TMEM116: variants seen among roughly 807,000 people sequenced by gnomAD.
The protein encoded by TMEM116 is transmembrane protein 116.
A neutral mutation model predicts 44.3 loss-of-function variants in TMEM116; 38 were observed. The observed-to-expected ratio is 0.86, with a 90% CI of 0.66 to 1.12. The LOEUF is 1.12. TMEM116 is among the 50% of genes most tolerant of loss of function. The pLI, the probability that TMEM116 is intolerant of heterozygous loss-of-function variation, is 0.00. For synonymous variants in TMEM116, 132 were observed against 144.8 expected (o/e 0.91, Z 0.64); for missense variants, 354 against 401.7 (o/e 0.88, Z 1.01).
chr12:111,989,993 C>T lies in TMEM116; in HGVS notation c.210+1765G>A, dbSNP rs556549906. 6.6e-5 allele frequency among the ~76,000 whole-genome samples: 10 copies of T among 152,250 alleles called. No homozygotes were observed. In the East Asian group the frequency reaches 1.9e-3, roughly 29 times the overall value. Reference sequence around the variant, plus strand: ...GTAACAGGCCGGGTGCAGTGGTTCACGCCTGTAATCCCAGCACTTTGGGAG... The same window carrying T: ...GTAACAGGCCGGGTGCAGTGGTTCATGCCTGTAATCCCAGCACTTTGGGAG... On this transcript the variant is annotated intron_variant, in intron 4 of 10. Coordinates refer to ENST00000552374, the MANE Select transcript of TMEM116 (RefSeq NM_001193531.2).
intron 4 of TMEM116, among the ~76,000 whole-genome samples, chr12:111,974,648 CTG>C (rs1323722792): frequency 7.2e-6 from 1 of 139,138 alleles, no homozygotes; most frequent in Non-Finnish European, 1.5e-5. Flanking sequence ...GAGTGAGACT[CTG>C]TCGCAAAAAA....
intron 4 of TMEM116, among the ~76,000 whole-genome samples, chr12:111,971,140 CAA>C (rs1201507750): frequency 6.6e-6 from 1 of 151,928 alleles, no homozygotes; most frequent in Non-Finnish European, 1.5e-5. Context: ...ACTCACCCTA[CAA>C]GAAATGTTAA....
At chr12:111,983,327 T>C (rs952053474) in intron 4 of TMEM116, among the ~76,000 whole-genome samples, 4 of 151,648 alleles carry the variant, frequency 2.6e-5, no homozygotes, top group African/African-American at 4.9e-5. Flanking sequence ...TCCCAGCCAC[T>C]TGGGAGGCTG....
chr12:111,962,439 ACAG>A (rs2074662394), intron 4 of TMEM116, among the ~76,000 whole-genome samples: 1 of 152,206 alleles, frequency 6.6e-6, no homozygotes, highest in Non-Finnish European at 1.5e-5. Context: ...AGTAACAAAA[ACAG>A]CATGGTACTG....
intron 4 of TMEM116, among the ~76,000 whole-genome samples, chr12:111,944,042 G>C (rs1181612275): frequency 6.6e-6 from 1 of 151,992 alleles, no homozygotes; most frequent in Non-Finnish European, 1.5e-5. Flanking sequence ...GACAGGCTAA[G>C]CTATTTGAAT....
chr12:111,938,136 C>T, intron 6 of TMEM116, 25 bp downstream of exon 6: 3 of 1,557,120 alleles, frequency 1.9e-6, no homozygotes, highest in Non-Finnish European at 2.6e-6. Flanking sequence ...CTACACCTCG[C>T]TAAGAAGTAA....
At chr12:111,955,390 G>C (rs1313678766) in intron 4 of TMEM116, among the ~76,000 whole-genome samples, 1 of 152,118 alleles carries the variant, frequency 6.6e-6, no homozygotes, top group African/African-American at 2.4e-5. Flanking sequence ...GATGCTTTTG[G>C]AGAAAGCATG....
chr12:111,995,249 C>T (rs2076865980), intron 3 of TMEM116, among the ~76,000 whole-genome samples: 2 of 151,900 alleles, frequency 1.3e-5, no homozygotes, highest in South Asian at 4.2e-4. Flanking sequence ...CAGGGATGGA[C>T]AAATAGGTGA....
At chr12:111,940,523 G>GTATATATATA (rs759583297) in intron 5 of TMEM116, among the ~76,000 whole-genome samples, 51 of 104,922 alleles carry the variant, frequency 4.9e-4, no homozygotes, top group Admixed American at 3.8e-3. Context: ...ATATATATGT[G>GTATATATATA]TATATATATA....
chr12:111,991,052 C>G (rs1286972211), intron 4 of TMEM116, among the ~76,000 whole-genome samples: 1 of 151,936 alleles, frequency 6.6e-6, no homozygotes, highest in Non-Finnish European at 1.5e-5. Flanking sequence ...AACCCCATCT[C>G]TACTAAAAGT....
chr12:111,962,478 T>C (rs2074665535), intron 4 of TMEM116, among the ~76,000 whole-genome samples: 1 of 151,992 alleles, frequency 6.6e-6, no homozygotes. Flanking sequence ...TATAGATCAA[T>C]GGAACAGAAC....
At chr12:111,940,603 T>C (rs927026719) in intron 5 of TMEM116, among the ~76,000 whole-genome samples, 3 of 140,658 alleles carry the variant, frequency 2.1e-5, no homozygotes, top group African/African-American at 7.9e-5. Context: ...AAAGCTTTTC[T>C]TCTTGAAACC....
intron 4 of TMEM116, among the ~76,000 whole-genome samples, chr12:111,958,036 G>A (rs1300327135): frequency 1.3e-5 from 2 of 152,054 alleles, no homozygotes; most frequent in Non-Finnish European, 2.9e-5. Context: ...GATTAAGGGC[G>A]GTGCAAGATG....
At chr12:111,971,828 A>C (rs1174838794) in intron 4 of TMEM116, among the ~76,000 whole-genome samples, 1 of 152,192 alleles carries the variant, frequency 6.6e-6, no homozygotes, top group African/African-American at 2.4e-5. Flanking sequence ...TAATCCCAGC[A>C]CTTTGAAAGG....
intron 4 of TMEM116, among the ~76,000 whole-genome samples, chr12:111,971,450 T>C (rs2075330736): frequency 1.3e-5 from 2 of 151,558 alleles, no homozygotes; most frequent in South Asian, 2.1e-4. Flanking sequence ...AAAGTTTAAC[T>C]GCAATGTTAA....
intron 4 of TMEM116, among the ~76,000 whole-genome samples, chr12:111,976,438 C>T (rs767453700): frequency 2.0e-5 from 3 of 152,050 alleles, no homozygotes; most frequent in East Asian, 1.9e-4. Flanking sequence ...CGAGATTGCG[C>T]CACTGCACTC....
chr12:111,938,210 C>A lies in TMEM116; in HGVS notation c.316G>T (p.Val106Leu), dbSNP rs1007543997. ...CAAACTCGACAAGTATAATCTATCA[C>A]CTGTGAAAAGAATAAATGTGAGAAA... is the stretch of plus-strand genomic sequence containing the variant. Reference protein sequence around the residue: ...TQSGQSTSPLVIDYTCRVCQM... With the variant: ...TQSGQSTSPLLIDYTCRVCQM... Residue 106 changes from valine (V) to leucine (L), a missense_variant and splice_region_variant, in exon 6 of 11, where the codon GTG becomes TTG. Coordinates refer to ENST00000552374, the MANE Select transcript of TMEM116 (RefSeq NM_001193531.2). The A allele has an allele frequency of 1.3e-6, 2 of 1,577,864 alleles. No homozygotes were observed. Among genetic ancestry groups the A allele is most frequent in the Admixed American group, 1.9e-5 (1 of 53,134 alleles).
chr12:111,988,426 G>C (rs1313568947), intron 4 of TMEM116, among the ~76,000 whole-genome samples: 1 of 152,124 alleles, frequency 6.6e-6, no homozygotes, highest in African/African-American at 2.4e-5. Context: ...GGGCACGGTG[G>C]CTCACACCTG....
chr12:111,978,357 C>T (rs1160885226), intron 4 of TMEM116, among the ~76,000 whole-genome samples: 1 of 151,264 alleles, frequency 6.6e-6, no homozygotes, highest in East Asian at 2.0e-4. Context: ...GCCAAGATCA[C>T]AGCACTGCAC....
Sources: allele counts gnomAD v4.1 joint callset (sites outside exome capture counted in the v4.1 genomes callset), GRCh38; gene constraint gnomAD v4.1.1; transcripts MANE v1.5; gene names NCBI Gene and HGNC (gene_info 2026-07-23, HGNC 2026-07-21).